The following MED13L variants were observed in gnomAD, a reference collection of about 807,000 sequenced individuals.
MED13L encodes mediator complex subunit 13L.
Under a neutral mutation model 220.9 loss-of-function variants are expected in MED13L, and 7 were observed. The observed-to-expected ratio is 0.03, with a 90% confidence interval of 0.02 to 0.06. MED13L has a LOEUF of 0.06. Among genes scored for constraint, MED13L ranks in the 10% least tolerant of loss-of-function variants. MED13L has a pLI of 1.00. For missense variants in MED13L, 1,965 were observed against 2,760.5 expected (o/e 0.71, Z 6.46); for synonymous variants, 1,011 against 1,015.2 (o/e 1.00, Z 0.08).
intron 4 of MED13L, among the ~76,000 whole-genome samples, chr12:116,077,427 T>C (rs1870888924): frequency 6.6e-6 from 1 of 152,210 alleles, no homozygotes; most frequent in Non-Finnish European, 1.5e-5. Context: ...GTAAATAAGG[T>C]AGACCAAGTA....
At chr12:116,066,484 T>C (rs1869937525) in intron 4 of MED13L, among the ~76,000 whole-genome samples, 1 of 152,206 alleles carries the variant, frequency 6.6e-6, no homozygotes, top group African/African-American at 2.4e-5. Context: ...TCGTATGTTC[T>C]TCTAAAGACT....
chr12:116,213,433 C>T (rs1033898131), intron 2 of MED13L, among the ~76,000 whole-genome samples: 2 of 152,112 alleles, frequency 1.3e-5, no homozygotes, highest in African/African-American at 4.8e-5. Context: ...TTTTCTGAGA[C>T]GGAGTTTTGC....
intron 2 of MED13L, among the ~76,000 whole-genome samples, chr12:116,191,713 G>A (rs1375690677): frequency 6.6e-6 from 1 of 152,014 alleles, no homozygotes; most frequent in Non-Finnish European, 1.5e-5. Context: ...AGGCCCGGTG[G>A]CTCACATCTA....
At chr12:116,203,291 C>T (rs1882115675) in intron 2 of MED13L, among the ~76,000 whole-genome samples, 1 of 152,102 alleles carries the variant, frequency 6.6e-6, no homozygotes, top group Admixed American at 6.5e-5. Flanking sequence ...ATAAATAGGC[C>T]TTAAACTTGT....
chr12:116,198,386 G>T (rs1881782194), intron 2 of MED13L, among the ~76,000 whole-genome samples: 1 of 152,022 alleles, frequency 6.6e-6, no homozygotes, highest in African/African-American at 2.4e-5. Context: ...TGTGTTTCCT[G>T]CTTAGAGTAC....
chr12:116,230,288 T>C (rs1365336120), intron 2 of MED13L: 1 of 158,072 alleles, frequency 6.3e-6, no homozygotes, highest in East Asian at 1.9e-4. Flanking sequence ...TAGTCCTAGC[T>C]ACTCGGGAGG....
At position 115,991,982 on chromosome 12, in the gene MED13L, G is replaced by A; in HGVS notation, c.2997-25C>T. 1 of 1,579,422 alleles carries A rather than the reference G, an allele frequency of 6.3e-7. No individual in the cohort carries two copies. Among genetic ancestry groups the A allele is most frequent in the Non-Finnish European group, 8.6e-7 (1 of 1,163,916 alleles). ...ACTACAAAAAGAGAAGGCACCAAGT[G>A]AGGAAGGGCAGCATGTCACAGATGC... On this transcript the variant is annotated intron_variant, in intron 16 of 30. Coordinates refer to ENST00000281928, the MANE Select transcript of MED13L (RefSeq NM_015335.5). This position sits in a 1 kb window ranked among gnomAD's most constrained non-coding sequence, Gnocchi z 7.7.
intron 1 of MED13L, among the ~76,000 whole-genome samples, chr12:116,266,509 T>C (rs1302090636): frequency 6.6e-6 from 1 of 152,210 alleles, no homozygotes; most frequent in Non-Finnish European, 1.5e-5. Context: ...AGAGGAGCTA[T>C]AGCTCCCGCT....
chr12:116,022,413 T>G, intron 5 of MED13L, 43 bp downstream of exon 5: 1 of 1,609,738 alleles, frequency 6.2e-7, no homozygotes, highest in Non-Finnish European at 8.5e-7. Flanking sequence ...GGTTATCCAC[T>G]CGGTGGCGGA....
chr12:116,260,916 G>A (rs1490173841), intron 1 of MED13L, among the ~76,000 whole-genome samples: 9 of 152,184 alleles, frequency 5.9e-5, no homozygotes, highest in Non-Finnish European at 1.3e-4. Flanking sequence ...ATTAAAAGTA[G>A]ATGCTCTAGG....
intron 2 of MED13L, among the ~76,000 whole-genome samples, chr12:116,200,406 T>C (rs1233285149): frequency 1.3e-5 from 2 of 152,152 alleles, no homozygotes; most frequent in African/African-American, 4.8e-5. Context: ...CACTTACTAG[T>C]GAAATACCAT....
At chr12:115,982,722 G>A in intron 21 of MED13L, 119 bp from the exon 22 acceptor site, 1 of 965,846 alleles carries the variant, frequency 1.0e-6, no homozygotes, top group Non-Finnish European at 1.6e-6. Flanking sequence ...CAGATTAAAG[G>A]TAAGAGTAAC....
intron 9 of MED13L, 64 bp from the exon 10 acceptor site, chr12:116,009,196 T>C: frequency 6.3e-7 from 1 of 1,593,048 alleles, no homozygotes; most frequent in Non-Finnish European, 8.6e-7. Flanking sequence ...TGACAAAATT[T>C]TGCCTTTTAA....
chr12:116,111,639 C>T (rs1593057255), intron 2 of MED13L, 127 bp from the exon 3 acceptor site: 6 of 710,784 alleles, frequency 8.4e-6, no homozygotes, highest in Non-Finnish European at 1.4e-5. Flanking sequence ...AATAATCTCA[C>T]GCTGAAACAG....
chr12:116,039,448 T>C (rs1053060118), intron 4 of MED13L, among the ~76,000 whole-genome samples: 5 of 152,214 alleles, frequency 3.3e-5, no homozygotes, highest in African/African-American at 4.8e-5. Flanking sequence ...TCCCATGCCA[T>C]AGAGCTACAC....
At chr12:115,992,017 C>A in intron 16 of MED13L, 60 bp from the exon 17 acceptor site, 1 of 1,385,642 alleles carries the variant, frequency 7.2e-7, no homozygotes, top group Non-Finnish European at 1.0e-6. Context: ...CTGAACTAGA[C>A]ACATGATCAC....
intron 2 of MED13L, among the ~76,000 whole-genome samples, chr12:116,206,674 G>C (rs1401605426): frequency 6.6e-6 from 1 of 151,862 alleles, no homozygotes. Context: ...GGAATCCAGA[G>C]CATTAAAAAG....
chr12:116,205,506 C>A (rs1882253725), intron 2 of MED13L, among the ~76,000 whole-genome samples: 2 of 107,908 alleles, frequency 1.9e-5, no homozygotes, highest in Admixed American at 1.1e-4. Flanking sequence ...ACTGTTCTAC[C>A]ATTAAAAAAA....
At chr12:116,193,443 A>G (rs934843667) in intron 2 of MED13L, among the ~76,000 whole-genome samples, 1 of 152,226 alleles carries the variant, frequency 6.6e-6, no homozygotes, top group Admixed American at 6.5e-5. Context: ...AAACTCAAGC[A>G]CAAATATCAA....
Sources: allele counts gnomAD v4.1 joint callset (sites outside exome capture counted in the v4.1 genomes callset), GRCh38; gene constraint gnomAD v4.1.1; non-coding constraint Gnocchi (gnomAD v3.1); transcripts MANE v1.5; gene names NCBI Gene and HGNC (gene_info 2026-07-23, HGNC 2026-07-21).